The following FEM1B variants were observed in gnomAD, a reference collection of about 807,000 sequenced individuals.
FEM1B encodes protein fem-1 homolog B.
A neutral mutation model predicts 38.6 loss-of-function variants in FEM1B; 10 were observed. That is an observed-to-expected ratio of 0.26 (90% CI 0.16 to 0.44). The LOEUF (loss-of-function observed/expected upper bound fraction) is 0.44. Ranked by LOEUF, FEM1B falls within the 20% of genes least tolerant of loss-of-function variation. FEM1B has a pLI of 1.00. For synonymous variants in FEM1B, 288 were observed against 288.0 expected, an observed-to-expected ratio of 1.00 and a Z score of 0.00; for missense variants, 471 against 786.7, an observed-to-expected ratio of 0.60 and a Z score of 4.80.
At chr15:68,283,149 G>A (rs966057435) in intron 1 of FEM1B, among the ~76,000 whole-genome samples, 4 of 152,074 alleles carry the variant, frequency 2.6e-5, no homozygotes, top group African/African-American at 7.2e-5. Context: ...GTGAATACTT[G>A]TAATTTAATT....
chr15:68,278,585 T>G lies in FEM1B; in HGVS notation c.168T>G (p.Asn56Lys), dbSNP rs769728625. Residue 56 changes from asparagine to lysine, a missense_variant, in exon 1 of 2, where the codon AAT (asparagine) becomes AAG (lysine). Physicochemically the swap from Asn to Lys is moderately conservative, Grantham distance 94. This residue lies in a region of FEM1B where 91 missense variants were observed against 169.6 expected (regional missense o/e 0.54). Coordinates refer to ENST00000306917, the MANE Select transcript of FEM1B (RefSeq NM_015322.5). The surrounding 1 kb of genome is among the most constrained non-coding windows in gnomAD (Gnocchi z 5.7). ...RSTPLIIAAR[N>K]GHAKVVRLLL... Reference sequence around the variant, plus strand: ...CGCCCCTCATCATCGCAGCCCGCAATGGACACGCAAAGGTGGTACGCTTGC... The same window carrying G: ...CGCCCCTCATCATCGCAGCCCGCAAGGGACACGCAAAGGTGGTACGCTTGC... 2 of 1,614,064 alleles carry G rather than the reference T, an allele frequency of 1.2e-6. No homozygotes were observed.
chr15:68,286,217 G>GT (rs371468348), intron 1 of FEM1B, among the ~76,000 whole-genome samples: 3,659 of 137,772 alleles, frequency 0.027, 80 homozygotes, highest in African/African-American at 0.072. Context: ...TATTTCTGGA[G>GT]TTTTTTTTTT....
In FEM1B at chr15:68,290,387, T is replaced by G. The variant is rs1892834569; in HGVS notation, c.1029T>G (p.Val343=). 1.2e-6 allele frequency: 2 copies of G among 1,614,186 alleles called. No individual in the cohort carries two copies. The highest frequency in any genetic ancestry group is 1.7e-6 in the Non-Finnish European group (2 of 1,180,002). Residue 343 remains valine, a synonymous_variant, in exon 2 of 2, where the codon GTT becomes GTG. Coordinates refer to ENST00000306917, the MANE Select transcript of FEM1B (RefSeq NM_015322.5). The surrounding 1 kb of genome is among the most constrained non-coding windows in gnomAD (Gnocchi z 9.7). ...TTTTAGGTGCTGACAATATTGATGT[T>G]TCTCATCCCATCATTTACAGAGGAG... is the stretch of plus-strand genomic sequence containing the variant. The part of the protein sequence containing the change: ...ERILGADNID[V]SHPIIYRGAV...
chr15:68,278,740 C>T lies in FEM1B; in HGVS notation c.248+75C>T. The T allele has an allele frequency of 6.5e-7, 1 of 1,527,880 alleles. No homozygotes were observed. Among genetic ancestry groups the T allele is most frequent in the South Asian group, 1.2e-5 (1 of 85,740 alleles). 94.6% of individuals were successfully genotyped at this position (1,527,880 alleles called of 1,614,324 possible). ...TTCACGGGCCCTCCCCTCCCTCACC[C>T]TCTCTTACCCTCTCTTCATGTAGGT... On this transcript the variant is annotated intron_variant, in intron 1 of 1. Coordinates refer to ENST00000306917, the MANE Select transcript of FEM1B (RefSeq NM_015322.5). This position sits in a 1 kb window ranked among gnomAD's most constrained non-coding sequence, Gnocchi z 5.7.
chr15:68,287,134 G>T (rs150061886), intron 1 of FEM1B, among the ~76,000 whole-genome samples: 1 of 152,078 alleles, frequency 6.6e-6, no homozygotes. Context: ...CCGGTGATCC[G>T]CCTGCTTTGG....
At position 68,281,659 on chromosome 15, in the gene FEM1B, C is replaced by A. The variant is rs544977424; in HGVS notation, c.248+2994C>A. On this transcript the variant is annotated intron_variant, in intron 1 of 1. Coordinates refer to ENST00000306917, the MANE Select transcript of FEM1B (RefSeq NM_015322.5). This position sits in a 1 kb window ranked among gnomAD's most constrained non-coding sequence, Gnocchi z 5.1. Reference sequence around the variant, plus strand: ...TTGAGACGGAGTCTCGCTCTGTCGCCGGGGCTGGAGTGCAGTGGCGCGATC... The same window carrying A: ...TTGAGACGGAGTCTCGCTCTGTCGCAGGGGCTGGAGTGCAGTGGCGCGATC... 2.0e-5 allele frequency among the ~76,000 whole-genome samples: 3 copies of A among 152,116 alleles called. No homozygotes were observed. Among genetic ancestry groups the A allele is most frequent in the Non-Finnish European group, 2.9e-5 (2 of 68,014 alleles).
At position 68,279,276 on chromosome 15, in the gene FEM1B, C is replaced by T. The variant is rs532498635; in HGVS notation, c.248+611C>T. Among the ~76,000 whole-genome samples, 46 of 152,140 alleles carry T rather than the reference C, an allele frequency of 3.0e-4. 1 individual carries two copies. In the Middle Eastern group the frequency reaches 0.01, roughly 34 times the overall value. On this transcript the variant is annotated intron_variant, in intron 1 of 1. Coordinates refer to ENST00000306917, the MANE Select transcript of FEM1B (RefSeq NM_015322.5). ...GTAGATATATTGGCTACTAAGATGG[C>T]ATTGGACCTGATGTGGGAGATGATG...
chr15:68,288,050 G>A lies in FEM1B; in HGVS notation c.249-1557G>A, dbSNP rs1892808587. On this transcript the variant is annotated intron_variant, in intron 1 of 1. Transcript: ENST00000306917. This position sits in a 1 kb window ranked among gnomAD's most constrained non-coding sequence, Gnocchi z 4.6. Reference sequence around the variant, plus strand: ...TCACCATGTTGGCCAGGCTCGTCTTGAACTCCTGACCTCAAGTGATCTGCC... The same window carrying A: ...TCACCATGTTGGCCAGGCTCGTCTTAAACTCCTGACCTCAAGTGATCTGCC... Among the ~76,000 whole-genome samples the A allele has an allele frequency of 6.6e-6, 1 of 151,934 alleles. No individual in the cohort carries two copies. Among genetic ancestry groups the A allele is most frequent in the Non-Finnish European group, 1.5e-5 (1 of 67,994 alleles).
chr15:68,278,268 C>T lies in FEM1B; in HGVS notation c.-150C>T, dbSNP rs2140240486. On this transcript the variant is annotated 5_prime_UTR_variant, in exon 1 of 2. Transcript: ENST00000306917. This position sits in a 1 kb window ranked among gnomAD's most constrained non-coding sequence, Gnocchi z 5.7. ...CTCTGCGTCTCCGCCTTCCCTGGGCCGCACTGCTGCCTGGGCGCGGCGGCG... is the reference window on the plus strand; with the variant it reads ...CTCTGCGTCTCCGCCTTCCCTGGGCTGCACTGCTGCCTGGGCGCGGCGGCG... The T allele has an allele frequency of 1.9e-6, 2 of 1,033,584 alleles. No individual in the cohort carries two copies. Among genetic ancestry groups the T allele is most frequent in the East Asian group, 5.3e-5 (2 of 38,004 alleles). 64.0% of individuals were successfully genotyped at this position (1,033,584 alleles called of 1,614,324 possible). A position where few individuals can be genotyped will look rare whatever the true frequency, so the allele number is the denominator to read the frequency against.
In FEM1B at chr15:68,290,108, T is replaced by C. The variant is rs779356612; in HGVS notation, c.750T>C (p.Ile250=). 6.2e-7 allele frequency: 1 copy of C among 1,614,194 alleles called. No homozygotes were observed. Among genetic ancestry groups the C allele is most frequent in the Non-Finnish European group, 8.5e-7 (1 of 1,180,036 alleles). Residue 250 remains isoleucine, a synonymous_variant, in exon 2 of 2, where the codon ATT becomes ATC. Coordinates refer to ENST00000306917, the MANE Select transcript of FEM1B (RefSeq NM_015322.5). This position sits in a 1 kb window ranked among gnomAD's most constrained non-coding sequence, Gnocchi z 9.7. ...SHADCDRRSR[I]EALELLGASF... ...CTGATTGCGACCGAAGAAGTCGGAT[T>C]GAAGCTTTGGAACTCTTGGGTGCCT...
In FEM1B at chr15:68,290,527, A is replaced by G. The variant is rs1892836522; in HGVS notation, c.1169A>G (p.Gln390Arg). ...NTHKDLLRFA[Q>R]VFSQMIHLNE... ...CACAAGGATCTTCTTCGATTTGCTCAAGTTTTCTCACAAATGATACATTTG... is the reference window on the plus strand; with the variant it reads ...CACAAGGATCTTCTTCGATTTGCTCGAGTTTTCTCACAAATGATACATTTG... Residue 390 changes from glutamine (Q) to arginine (R), a missense_variant, in exon 2 of 2, where the codon CAA (glutamine) becomes CGA (arginine). This residue lies in a region of FEM1B where 380 missense variants were observed against 599.6 expected (regional missense o/e 0.63). Coordinates refer to ENST00000306917, the MANE Select transcript of FEM1B (RefSeq NM_015322.5). This position sits in a 1 kb window ranked among gnomAD's most constrained non-coding sequence, Gnocchi z 9.7. 6.2e-7 allele frequency: 1 copy of G among 1,614,088 alleles called. No individual in the cohort carries two copies. Among genetic ancestry groups the G allele is most frequent in the African/African-American group, 1.3e-5 (1 of 74,938 alleles).
chr15:68,278,534 C>T lies in FEM1B; in HGVS notation c.117C>T (p.Val39=). ...ACATCCGCTATCTGCTTGGCTATGT[C>T]AGCCAGCAGGGAGGGCAGCGCTCCA... ...ESDIRYLLGY[V]SQQGGQRSTP... is the part of the protein sequence containing the mutation. The change falls in exon 1 of 2, where the codon GTC becomes GTT. Residue 39 remains valine, a synonymous_variant. Transcript: ENST00000306917. The surrounding 1 kb of genome is among the most constrained non-coding windows in gnomAD (Gnocchi z 5.7). The T allele has an allele frequency of 1.2e-6, 2 of 1,614,088 alleles. No individual in the cohort carries two copies. Among genetic ancestry groups the T allele is most frequent in the Non-Finnish European group, 1.7e-6 (2 of 1,180,024 alleles).
rs1892840899 is a variant in FEM1B at position 68,290,922 on chromosome 15, G to C, written c.1564G>C (p.Gly522Arg). The change falls in exon 2 of 2, where the codon GGT becomes CGT. Residue 522 changes from glycine (G) to arginine (R), a missense_variant. This residue lies in a region of FEM1B where 380 missense variants were observed against 599.6 expected (regional missense o/e 0.63). Coordinates refer to ENST00000306917, the MANE Select transcript of FEM1B (RefSeq NM_015322.5). This position sits in a 1 kb window ranked among gnomAD's most constrained non-coding sequence, Gnocchi z 9.7. The stretch of plus-strand genomic sequence containing the variant: ...TGTCACAAAGCTCCTGCTGGACTGT[G>C]GTGCTGAGGTGAATGCCGTGGACAA... Reference protein sequence around the residue: ...ALVTKLLLDCGAEVNAVDNEG... With the variant: ...ALVTKLLLDCRAEVNAVDNEG... The C allele has an allele frequency of 6.2e-7, 1 of 1,614,044 alleles. No individual in the cohort carries two copies. The highest frequency in any genetic ancestry group is 1.3e-5 in the African/African-American group (1 of 74,924).
At chr15:68,279,234 C>T (rs1007081344) in intron 1 of FEM1B, among the ~76,000 whole-genome samples, 1 of 152,196 alleles carries the variant, frequency 6.6e-6, no homozygotes, top group Non-Finnish European at 1.5e-5. Context: ...GATTCTGATT[C>T]CTCCACGTTG....
intron 1 of FEM1B, chr15:68,279,915 T>C (rs138242609): frequency 5.9e-5 from 9 of 152,368 alleles, no homozygotes; most frequent in African/African-American, 2.2e-4. Flanking sequence ...GATTCATGTT[T>C]GCTTTTCCTT....
rs575277852 is a variant in FEM1B at position 68,290,240 on chromosome 15, G to A, written c.882G>A (p.Glu294=). The A allele has an allele frequency of 4.3e-6, 7 of 1,614,078 alleles. No homozygotes were observed. The highest frequency in any genetic ancestry group is 5.9e-6 in the Non-Finnish European group (7 of 1,180,026). The part of the protein sequence containing the change: ...FQDGDNILEK[E]VLPPIHAYGN... ...ATGGTGATAACATTCTCGAAAAAGAGGTTCTTCCACCAATCCATGCTTATG... is the reference window on the plus strand; with the variant it reads ...ATGGTGATAACATTCTCGAAAAAGAAGTTCTTCCACCAATCCATGCTTATG... The change falls in exon 2 of 2, where the codon GAG becomes GAA. Residue 294 remains glutamate (E), a synonymous_variant. Coordinates refer to ENST00000306917, the MANE Select transcript of FEM1B (RefSeq NM_015322.5). This position sits in a 1 kb window ranked among gnomAD's most constrained non-coding sequence, Gnocchi z 9.7.
At position 68,278,145 on chromosome 15, in the gene FEM1B, G is replaced by C. The variant is rs1445763691; in HGVS notation, c.-273G>C. Reference sequence around the variant, plus strand: ...CGGCGTCCGCCATGGAGATCCCCTCGGTCCAGGGCCGGCGCCTGGGACCTG... The same window carrying C: ...CGGCGTCCGCCATGGAGATCCCCTCCGTCCAGGGCCGGCGCCTGGGACCTG... On this transcript the variant is annotated 5_prime_UTR_variant, in exon 1 of 2. Transcript: ENST00000306917. The surrounding 1 kb of genome is among the most constrained non-coding windows in gnomAD (Gnocchi z 5.7). The C allele has an allele frequency of 5.5e-6, 2 of 365,402 alleles. No homozygotes were observed. Among genetic ancestry groups the C allele is most frequent in the Non-Finnish European group, 9.9e-6 (2 of 201,946 alleles). 22.6% of individuals were successfully genotyped at this position (365,402 alleles called of 1,614,324 possible).
Position 68,289,887 on chromosome 15 carries a change from C to T in FEM1B, c.529C>T (p.Arg177Cys), listed in dbSNP as rs767682173. 4.9e-5 allele frequency: 79 copies of T among 1,613,788 alleles called. No homozygotes were observed. Among genetic ancestry groups the T allele is most frequent in the Non-Finnish European group, 6.2e-5 (73 of 1,179,888 alleles). The change falls in exon 2 of 2, where the codon CGT becomes TGT. Residue 177 changes from arginine (R) to cysteine (C), a missense_variant. Physicochemically the swap from Arg to Cys is radical, Grantham distance 180. This residue lies in a region of FEM1B where 380 missense variants were observed against 599.6 expected (regional missense o/e 0.63). Transcript: ENST00000306917. This position sits in a 1 kb window ranked among gnomAD's most constrained non-coding sequence, Gnocchi z 6.9. The stretch of plus-strand genomic sequence containing the variant: ...TGTGGTCAGATACCTTTTAGAACAA[C>T]GTGCTGATCCCAATGCCAAAGCACA... ...TDVVRYLLEQ[R>C]ADPNAKAHCG... is the part of the protein sequence containing the mutation.
Position 68,289,253 on chromosome 15 carries a change from C to T in FEM1B, c.249-354C>T, listed in dbSNP as rs767799750. 6.3e-5 allele frequency: 13 copies of T among 206,100 alleles called. No individual in the cohort carries two copies. Among genetic ancestry groups the T allele is most frequent in the Non-Finnish European group, 1.2e-4 (12 of 100,650 alleles). The allele number at this position is 206,100 out of a possible 1,614,324, so 12.8% of individuals were successfully genotyped here. ...TGGGAAGGAGGAACATGCTGTTCTC[C>T]TAGTAACCAGTGAATCAACTTGGTG... is the stretch of plus-strand genomic sequence containing the variant. On this transcript the variant is annotated intron_variant, in intron 1 of 1. Transcript: ENST00000306917. This position sits in a 1 kb window ranked among gnomAD's most constrained non-coding sequence, Gnocchi z 6.9.
Sources: allele counts gnomAD v4.1 joint callset (sites outside exome capture counted in the v4.1 genomes callset), GRCh38; gene constraint gnomAD v4.1.1; regional missense constraint gnomAD v4.1.1; non-coding constraint Gnocchi (gnomAD v3.1); transcripts MANE v1.5; gene names NCBI Gene and HGNC (gene_info 2026-07-23, HGNC 2026-07-21).